Variants in ZNF385D observed in about 807,000 individuals in gnomAD.
The protein encoded by ZNF385D is zinc finger protein 659.
A neutral mutation model predicts 35.8 loss-of-function variants in ZNF385D; 15 were observed. The ratio of observed to expected loss-of-function variants is 0.42; its 90% CI spans 0.28 to 0.64. ZNF385D has a LOEUF of 0.64. Among genes scored for constraint, ZNF385D ranks in the 30% least tolerant of loss-of-function variants. ZNF385D has a pLI of 0.23. For synonymous variants in ZNF385D, 212 were observed against 186.8 expected (o/e 1.13, Z -1.10); for missense variants, 474 against 494.6 (o/e 0.96, Z 0.39).
intron 3 of ZNF385D, among the ~76,000 whole-genome samples, chr3:21,547,091 A>G (rs2062399984): frequency 6.6e-6 from 1 of 152,060 alleles, no homozygotes; most frequent in Non-Finnish European, 1.5e-5. Flanking sequence ...CCTTTGAAAA[A>G]TGCCTTTTTA....
At chr3:22,037,599 T>C (rs951245327) in intron 3 of ZNF385D, among the ~76,000 whole-genome samples, 48 of 152,316 alleles carry the variant, frequency 3.2e-4, no homozygotes, top group South Asian at 2.1e-4. Context: ...TTGTAGATTC[T>C]GGATATTAGC....
intron 2 of ZNF385D, among the ~76,000 whole-genome samples, chr3:22,252,678 G>A (rs1038970622): frequency 2.0e-5 from 3 of 152,048 alleles, no homozygotes; most frequent in African/African-American, 7.2e-5. Context: ...AGCTGGCTTT[G>A]GCTACTGAAG....
intron 3 of ZNF385D, among the ~76,000 whole-genome samples, chr3:21,827,717 T>C (rs756467950): frequency 6.6e-6 from 1 of 152,166 alleles, no homozygotes; most frequent in Non-Finnish European, 1.5e-5. Context: ...AAAAGGCATA[T>C]TACAAAAAGA....
chr3:22,277,983 T>C (rs1025741136), intron 2 of ZNF385D, among the ~76,000 whole-genome samples: 2 of 152,090 alleles, frequency 1.3e-5, no homozygotes, highest in Non-Finnish European at 2.9e-5. Context: ...TCAGGAAGTC[T>C]TTCTGATTTC....
chr3:22,196,281 G>A (rs991718494), intron 2 of ZNF385D, among the ~76,000 whole-genome samples: 2 of 152,056 alleles, frequency 1.3e-5, no homozygotes, highest in African/African-American at 4.8e-5. Flanking sequence ...TTGCTATACC[G>A]ACTTTGTTTT....
intron 3 of ZNF385D, among the ~76,000 whole-genome samples, chr3:22,103,114 T>A (rs367826408): frequency 6.6e-6 from 1 of 151,636 alleles, no homozygotes; most frequent in Non-Finnish European, 1.5e-5. Flanking sequence ...CAATTAATCA[T>A]GTTAATTTAA....
chr3:21,645,053 A>G (rs781323297), intron 2 of ZNF385D, among the ~76,000 whole-genome samples: 2 of 152,224 alleles, frequency 1.3e-5, no homozygotes, highest in African/African-American at 2.4e-5. Flanking sequence ...TAAGTGTGCA[A>G]TGAGAGCCAA....
At chr3:21,655,054 G>A (rs1011389687) in intron 2 of ZNF385D, among the ~76,000 whole-genome samples, 2 of 151,890 alleles carry the variant, frequency 1.3e-5, no homozygotes, top group Non-Finnish European at 2.9e-5. Flanking sequence ...CCATGAGGTA[G>A]AACACAGTGA....
intron 2 of ZNF385D, among the ~76,000 whole-genome samples, chr3:22,315,045 A>T (rs541773644): frequency 3.3e-5 from 5 of 152,304 alleles, no homozygotes; most frequent in South Asian, 2.1e-4. Flanking sequence ...TGAATTGAGT[A>T]AAGAATGACT....
chr3:22,284,534 T>C (rs1701929911), intron 2 of ZNF385D, among the ~76,000 whole-genome samples: 1 of 151,792 alleles, frequency 6.6e-6, no homozygotes, highest in African/African-American at 2.4e-5. Flanking sequence ...TTATACATCG[T>C]GCATCAATTC....
chr3:21,686,937 C>G (rs1268722055), intron 1 of ZNF385D, among the ~76,000 whole-genome samples: 1 of 152,148 alleles, frequency 6.6e-6, no homozygotes, highest in Non-Finnish European at 1.5e-5. Flanking sequence ...TGAAAGGGAG[C>G]CTATTTTCCC....
At chr3:21,997,512 T>A (rs1207106027) in intron 3 of ZNF385D, among the ~76,000 whole-genome samples, 1 of 151,556 alleles carries the variant, frequency 6.6e-6, no homozygotes, top group Non-Finnish European at 1.5e-5. Flanking sequence ...AATAAAAAAA[T>A]GTGATTTTTA....
At chr3:21,855,228 A>C (rs989225122) in intron 3 of ZNF385D, among the ~76,000 whole-genome samples, 1 of 152,022 alleles carries the variant, frequency 6.6e-6, no homozygotes, top group African/African-American at 2.4e-5. Flanking sequence ...ACTGTCTCAA[A>C]ATAATTTGTT....
chr3:22,062,496 A>G (rs1052606039), intron 3 of ZNF385D, among the ~76,000 whole-genome samples: 2 of 152,244 alleles, frequency 1.3e-5, no homozygotes, highest in Non-Finnish European at 2.9e-5. Flanking sequence ...TGCAGCAATC[A>G]TGAAAGTTGT....
chr3:21,851,253 G>A (rs1008134109), intron 3 of ZNF385D, among the ~76,000 whole-genome samples: 1 of 152,006 alleles, frequency 6.6e-6, no homozygotes, highest in African/African-American at 2.4e-5. Context: ...AGAAAAGATT[G>A]TGAATTTGAT....
intron 2 of ZNF385D, among the ~76,000 whole-genome samples, chr3:22,341,728 A>G (rs960289754): frequency 8.5e-5 from 13 of 152,176 alleles, no homozygotes; most frequent in African/African-American, 3.1e-4. Flanking sequence ...CATCAAACTC[A>G]TAACTGCCTA....
At chr3:21,735,027 T>G (rs973907249) in intron 1 of ZNF385D, among the ~76,000 whole-genome samples, 1 of 152,126 alleles carries the variant, frequency 6.6e-6, no homozygotes, top group Non-Finnish European at 1.5e-5. Flanking sequence ...CACAGCTATG[T>G]AGGATCAGAA....
At chr3:21,593,927 G>A (rs1360545493) in intron 2 of ZNF385D, among the ~76,000 whole-genome samples, 1 of 152,106 alleles carries the variant, frequency 6.6e-6, no homozygotes, top group Non-Finnish European at 1.5e-5. Flanking sequence ...CAACTTCACT[G>A]CTGCTTCCTG....
intron 3 of ZNF385D, among the ~76,000 whole-genome samples, chr3:21,837,858 G>A (rs1695423842): frequency 8.6e-6 from 1 of 115,882 alleles, no homozygotes; most frequent in African/African-American, 3.6e-5. Context: ...GTAACAGTGT[G>A]AGACTCCATC....
Sources: allele counts gnomAD v4.1 joint callset (sites outside exome capture counted in the v4.1 genomes callset), GRCh38; gene constraint gnomAD v4.1.1; transcripts MANE v1.5; gene names NCBI Gene and HGNC (gene_info 2026-07-23, HGNC 2026-07-21).